MTARC1: variants seen among roughly 807,000 people sequenced by gnomAD.
MTARC1 encodes the protein mitochondrial amidoxime-reducing component 1.
MTARC1 carries 24 observed loss-of-function variants against 33.6 expected under a neutral mutation model. The ratio of observed to expected loss-of-function variants is 0.72; its 90% CI spans 0.52 to 1.01. MTARC1 has a LOEUF of 1.01. Ranked by LOEUF, MTARC1 falls within the 50% of genes least tolerant of loss-of-function variation. The probability of loss-of-function intolerance (pLI) is 0.00; values close to 1 mark genes in which losing one functional copy is unlikely to be tolerated. For missense variants in MTARC1, 417 were observed against 445.7 expected (o/e 0.94, Z 0.58); for synonymous variants, 187 against 189.5 (o/e 0.99, Z 0.11).
At position 220,815,706 on chromosome 1, in the gene MTARC1, G is replaced by C. The variant is rs1259584931; in HGVS notation, c.*2288G>C. The C allele has an allele frequency of 1.3e-5, 2 of 152,228 alleles. No individual in the cohort carries two copies. Among genetic ancestry groups the C allele is most frequent in the African/African-American group, 4.8e-5 (2 of 41,466 alleles). 9.4% of individuals were successfully genotyped at this position (152,228 alleles called of 1,614,324 possible). A position where few individuals can be genotyped will look rare whatever the true frequency, so the allele number is the denominator to read the frequency against. On this transcript the variant is annotated 3_prime_UTR_variant, in exon 7 of 7. Coordinates refer to ENST00000366910, the MANE Select transcript of MTARC1 (RefSeq NM_022746.4). Reference sequence around the variant, plus strand: ...ATATCCCATTTATTTTGGATACTGAGCATTTGCACACTATTCCACTTGAAA... The same window carrying C: ...ATATCCCATTTATTTTGGATACTGACCATTTGCACACTATTCCACTTGAAA...
At chr1:220,792,661 A>C (rs1571663962) in intron 2 of MTARC1, among the ~76,000 whole-genome samples, 1 of 151,818 alleles carries the variant, frequency 6.6e-6, no homozygotes, top group African/African-American at 2.4e-5. Flanking sequence ...AGAAAAAAAA[A>C]AAAAAGAAAC....
intron 6 of MTARC1, among the ~76,000 whole-genome samples, chr1:220,812,392 A>G (rs1281006156): frequency 2.6e-5 from 4 of 152,248 alleles, no homozygotes; most frequent in Admixed American, 2.6e-4. Flanking sequence ...ACAGTGATAT[A>G]GTGCAGTGTC....
In MTARC1 at chr1:220,787,097, G is replaced by C; in HGVS notation, c.153G>C (p.Leu51=). 3 of 1,513,012 alleles carry C rather than the reference G, an allele frequency of 2.0e-6. No homozygotes were observed. The highest frequency in any genetic ancestry group is 2.6e-6 in the Non-Finnish European group (3 of 1,134,466). 93.7% of individuals were successfully genotyped at this position (1,513,012 alleles called of 1,614,324 possible). ...CATGGCCCACGCGGCGCCGGCGGCT[G>C]CTGCAGCAGGTGGGCACAGTGGCGC... The part of the protein sequence containing the change: ...RRAWPTRRRR[L]LQQVGTVAQL... The change falls in exon 1 of 7, where the codon CTG becomes CTC. Residue 51 remains leucine, a synonymous_variant. Coordinates refer to ENST00000366910, the MANE Select transcript of MTARC1 (RefSeq NM_022746.4).
chr1:220,799,149 A>G (rs1672710612), intron 4 of MTARC1: 5 of 985,284 alleles, frequency 5.1e-6, no homozygotes, highest in Admixed American at 6.1e-5. Flanking sequence ...TATAAAAGCA[A>G]TATCAATCGA....
rs117574394 is a variant in MTARC1 at position 220,788,451 on chromosome 1, C to T, written c.275+1232C>T. On this transcript the variant is annotated intron_variant, in intron 1 of 6. Transcript: ENST00000366910. ...CATGACATAGTTGAAAGGTGAGTGA[C>T]GTATGCATCTTTGCTTCAGGAAGGA... Among the ~76,000 whole-genome samples the T allele has an allele frequency of 8.9e-3, 1,355 of 152,198 alleles. 10 individuals carry two copies. The highest frequency in any genetic ancestry group is 0.058 in the East Asian group (299 of 5,174).
chr1:220,800,199 T>TAAAA (rs1331640122), intron 4 of MTARC1, among the ~76,000 whole-genome samples: 1 of 126,046 alleles, frequency 7.9e-6, no homozygotes, highest in Non-Finnish European at 1.8e-5. Context: ...AACCCGTATC[T>TAAAA]CTCTCTCTAT....
chr1:220,805,815 T>G (rs1440868107), intron 6 of MTARC1, among the ~76,000 whole-genome samples: 8 of 152,238 alleles, frequency 5.3e-5, no homozygotes, highest in Non-Finnish European at 8.8e-5. Flanking sequence ...ATTCTACTTT[T>G]ATGTTTACTT....
intron 1 of MTARC1, among the ~76,000 whole-genome samples, chr1:220,789,168 G>A (rs955925734): frequency 4.0e-5 from 6 of 150,422 alleles, no homozygotes; most frequent in Non-Finnish European, 7.4e-5. Flanking sequence ...GGCCGTCAGG[G>A]ACAACATCAG....
At position 220,819,223 on chromosome 1, in the gene MTARC1, T is replaced by A. The variant is rs1673337758; in HGVS notation, c.*5805T>A. On this transcript the variant is annotated 3_prime_UTR_variant, in exon 7 of 7. Coordinates refer to ENST00000366910, the MANE Select transcript of MTARC1 (RefSeq NM_022746.4). Reference sequence around the variant, plus strand: ...CCTTTATGTTGACCTGACATCATAGTTTATATTATAAAATGTATTAATGAC... The same window carrying A: ...CCTTTATGTTGACCTGACATCATAGATTATATTATAAAATGTATTAATGAC... 6.6e-6 allele frequency: 1 copy of A among 152,186 alleles called. No individual in the cohort carries two copies. Among genetic ancestry groups the A allele is most frequent in the Admixed American group, 6.5e-5 (1 of 15,286 alleles). 9.4% of individuals were successfully genotyped at this position (152,186 alleles called of 1,614,324 possible).
In MTARC1 at chr1:220,805,160, G is replaced by T. The variant is rs372691935; in HGVS notation, c.816-43G>T. On this transcript the variant is annotated intron_variant, in intron 5 of 6. Transcript: ENST00000366910. ...GTGGGGTGGAGGTGGGGATAAGTTC[G>T]CTCTGCTCTGTCCCCCTTATGATGC... 3 of 1,613,922 alleles carry T rather than the reference G, an allele frequency of 1.9e-6. No individual in the cohort carries two copies. In the Admixed American group the frequency reaches 5.0e-5, roughly 27 times the overall value.
At position 220,796,702 on chromosome 1, in the gene MTARC1, C is replaced by T. The variant is rs777078255; in HGVS notation, c.509C>T (p.Thr170Ile). 1 of 1,612,718 alleles carries T rather than the reference C, an allele frequency of 6.2e-7. No homozygotes were observed. The highest frequency in any genetic ancestry group is 1.1e-5 in the South Asian group (1 of 90,684). The change falls in exon 3 of 7, where the codon ACC becomes ATC. Residue 170 changes from threonine (T) to isoleucine (I), a missense_variant. Transcript: ENST00000366910. ...GGCGAGGCCACCGCCCAGTGGATAA[C>T]CAGCTTCCTGAAGTCACAGCCCTAC... ...DCGEATAQWITSFLKSQPYRL... is the reference protein window; with the variant it reads ...DCGEATAQWIISFLKSQPYRL...
intron 3 of MTARC1, among the ~76,000 whole-genome samples, chr1:220,797,123 A>G (rs906716606): frequency 6.6e-6 from 1 of 152,064 alleles, no homozygotes; most frequent in African/African-American, 2.4e-5. Flanking sequence ...GGAGTCCAGA[A>G]TTTTTACAGT....
intron 2 of MTARC1, among the ~76,000 whole-genome samples, chr1:220,794,875 T>C (rs1672555859): frequency 6.6e-6 from 1 of 152,212 alleles, no homozygotes; most frequent in Non-Finnish European, 1.5e-5. Flanking sequence ...TACAGCAGTG[T>C]ACTTTTCTGC....
chr1:220,792,522 C>T (rs934300224), intron 2 of MTARC1, among the ~76,000 whole-genome samples: 1 of 151,942 alleles, frequency 6.6e-6, no homozygotes. Flanking sequence ...GAAAAGTTCA[C>T]AAAATGCAAT....
At chr1:220,791,793 C>A (rs577554158) in intron 2 of MTARC1, 129 bp downstream of exon 2, 10 of 966,090 alleles carry the variant, frequency 1.0e-5, no homozygotes, top group Non-Finnish European at 1.5e-5. Context: ...GTACCATATA[C>A]AGAATGAAGT....
rs147282894 is a variant in MTARC1, at chr1:220,805,224, C to T, written c.837C>T (p.Asp279=). 3.7e-6 allele frequency: 6 copies of T among 1,613,786 alleles called. No homozygotes were observed. Among genetic ancestry groups the T allele is most frequent in the African/African-American group, 2.7e-5 (2 of 74,978 alleles). The change falls in exon 6 of 7, where the codon GAC becomes GAT. Residue 279 remains aspartate, a synonymous_variant. Transcript: ENST00000366910. ...CCAGATGCATTTTAACCACAGTGGA[C>T]CCAGACACCGGTGTCATGAGCAGGA... ...ACSRCILTTV[D]PDTGVMSRKE...
rs193302690 is a variant in MTARC1 at position 220,787,957 on chromosome 1, A to G, written c.275+738A>G. Among the ~76,000 whole-genome samples the G allele has an allele frequency of 8.8e-3, 1,335 of 152,218 alleles. 8 individuals carry two copies. Among genetic ancestry groups the G allele is most frequent in the East Asian group, 0.058 (298 of 5,160 alleles). Reference sequence around the variant, plus strand: ...CGGGAGGTGGAAGTTGCAGTGAGCCAGGATTGCGCCACTGCACTCCAGCCT... The same window carrying G: ...CGGGAGGTGGAAGTTGCAGTGAGCCGGGATTGCGCCACTGCACTCCAGCCT... On this transcript the variant is annotated intron_variant, in intron 1 of 6. Transcript: ENST00000366910.
In MTARC1 at chr1:220,796,742, C is replaced by CGAGCCTCACATGCGACCG. The variant is rs746502886; in HGVS notation, c.550_567dup (p.Glu184_Pro189dup). The CGAGCCTCACATGCGACCG allele has an allele frequency of 5.6e-6, 9 of 1,612,720 alleles. No individual in the cohort carries two copies. The highest frequency in any genetic ancestry group is 1.6e-4 in the Middle Eastern group (1 of 6,078). On this transcript the variant is annotated inframe_insertion, in exon 3 of 7. Transcript: ENST00000366910. ...CACAGCCCTACCGCCTGGTGCACTT[C>CGAGCCTCACATGCGACCG]GAGCCTCACATGCGACCGAGACGTC...
At chr1:220,806,973 G>A (rs1445858254) in intron 6 of MTARC1, among the ~76,000 whole-genome samples, 1 of 152,222 alleles carries the variant, frequency 6.6e-6, no homozygotes, top group Non-Finnish European at 1.5e-5. Context: ...AGCGTTGGGT[G>A]TGATTTGCAT....
Sources: allele counts gnomAD v4.1 joint callset (sites outside exome capture counted in the v4.1 genomes callset), GRCh38; gene constraint gnomAD v4.1.1; transcripts MANE v1.5; gene names NCBI Gene and HGNC (gene_info 2026-07-23, HGNC 2026-07-21).